The following DYNC2H1 variants were observed in gnomAD, a reference collection of about 807,000 sequenced individuals.
DYNC2H1 encodes the protein dynein cytoplasmic 2 heavy chain 1, also known as cytoplasmic dynein 2 heavy chain 1.
A neutral mutation model predicts 570.0 loss-of-function variants in DYNC2H1; 410 were observed. That is an observed-to-expected ratio of 0.72 (90% CI 0.66 to 0.78). The LOEUF is 0.78. Among genes scored for constraint, DYNC2H1 ranks in the 30% least tolerant of loss-of-function variants. The pLI is 0.00. For missense variants in DYNC2H1, 4,865 were observed against 5,046.4 expected (o/e 0.96, Z 1.09); for synonymous variants, 1,688 against 1,677.6 (o/e 1.01, Z -0.15).
chr11:103,429,657 C>T (rs183233931), intron 84 of DYNC2H1, among the ~76,000 whole-genome samples: 2 of 152,252 alleles, frequency 1.3e-5, no homozygotes, highest in East Asian at 3.9e-4. Context: ...TGTCTTTATC[C>T]TTCTGAAATA....
rs1414331627 is a variant in DYNC2H1, at chr11:103,163,120, A to G, written c.4584A>G (p.Ala1528=). The G allele has an allele frequency of 6.2e-7, 1 of 1,612,812 alleles. No individual in the cohort carries two copies. The highest frequency in any genetic ancestry group is 2.2e-5 in the East Asian group (1 of 44,882). ...CVTTGRSSQG[A]VDPSLFPSQI... ...CTACTGGGCGAAGTTCTCAAGGTGCAGTTGACCCATCTCTGTTCCCTTCAC... is the reference window on the plus strand; with the variant it reads ...CTACTGGGCGAAGTTCTCAAGGTGCGGTTGACCCATCTCTGTTCCCTTCAC... Residue 1528 remains alanine (A), a synonymous_variant, in exon 30 of 89, where the codon GCA becomes GCG. Coordinates refer to ENST00000375735, the MANE Select transcript of DYNC2H1 (RefSeq NM_001377.3). This position sits in a 1 kb window ranked among gnomAD's most constrained non-coding sequence, Gnocchi z 4.6.
intron 87 of DYNC2H1, among the ~76,000 whole-genome samples, chr11:103,457,611 T>C (rs183624537): frequency 7.9e-4 from 120 of 152,252 alleles, no homozygotes; most frequent in Non-Finnish European, 1.4e-3. Context: ...TTGACTCTTA[T>C]AAATAACACT....
At chr11:103,165,358 G>T (rs1424689684) in intron 30 of DYNC2H1, among the ~76,000 whole-genome samples, 1 of 152,072 alleles carries the variant, frequency 6.6e-6, no homozygotes, top group African/African-American at 2.4e-5. Flanking sequence ...TGAACTCCTG[G>T]CCTCAAGTGA....
intron 84 of DYNC2H1, among the ~76,000 whole-genome samples, chr11:103,420,318 G>A (rs894893675): frequency 1.3e-5 from 2 of 152,032 alleles, no homozygotes; most frequent in East Asian, 3.9e-4. Flanking sequence ...TTAACAAGAA[G>A]ATCAACCCCA....
Position 103,319,392 on chromosome 11 carries a change from G to GC in DYNC2H1, c.11726-1635dup, listed in dbSNP as rs1938044503. Among the ~76,000 whole-genome samples, 1 of 152,074 alleles carries GC rather than the reference G, an allele frequency of 6.6e-6. No homozygotes were observed. The highest frequency in any genetic ancestry group is 2.1e-4 in the South Asian group (1 of 4,828). On this transcript the variant is annotated intron_variant, in intron 80 of 88. Coordinates refer to ENST00000375735, the MANE Select transcript of DYNC2H1 (RefSeq NM_001377.3). The surrounding 1 kb of genome is among the most constrained non-coding windows in gnomAD (Gnocchi z 4.3). ...GGAACAATTGGTATTGAGAGTAATA[G>GC]CCATGCGACCTAGAGCAAGTTTCCT... is the stretch of plus-strand genomic sequence containing the variant.
intron 11 of DYNC2H1, among the ~76,000 whole-genome samples, chr11:103,124,839 G>A (rs1858908350): frequency 1.3e-5 from 2 of 152,102 alleles, no homozygotes; most frequent in African/African-American, 4.8e-5. Flanking sequence ...TGAAAGTTAA[G>A]AGATTGATTT....
In DYNC2H1 at chr11:103,163,561, T is replaced by A. The variant is rs1861183870; in HGVS notation, c.4611+414T>A. 6.6e-6 allele frequency among the ~76,000 whole-genome samples: 1 copy of A among 152,110 alleles called. No homozygotes were observed. Among genetic ancestry groups the A allele is most frequent in the South Asian group, 2.1e-4 (1 of 4,820 alleles). On this transcript the variant is annotated intron_variant, in intron 30 of 88. Coordinates refer to ENST00000375735, the MANE Select transcript of DYNC2H1 (RefSeq NM_001377.3). This position sits in a 1 kb window ranked among gnomAD's most constrained non-coding sequence, Gnocchi z 4.6. The stretch of plus-strand genomic sequence containing the variant: ...ATAGTCATAACACTAAACTGTAATA[T>A]TGACAGTGAGAGTGAGGTCATATGG...
intron 61 of DYNC2H1, 110 bp from the exon 62 acceptor site, chr11:103,235,562 G>A (rs756738480): frequency 2.3e-5 from 24 of 1,028,354 alleles, no homozygotes; most frequent in Admixed American, 9.7e-5. Context: ...TTCAAAACAA[G>A]TTATTACCTG....
In DYNC2H1 at chr11:103,257,781, C is replaced by T. The variant is rs650238; in HGVS notation, c.10605+30C>T. The T allele has an allele frequency of 0.2, 303,701 of 1,492,964 alleles. 32,976 individuals carry two copies. Among genetic ancestry groups the T allele is most frequent in the African/African-American group, 0.38 (27,288 of 71,796 alleles). The allele number at this position is 1,492,964 out of a possible 1,614,324, so 92.5% of individuals were successfully genotyped here. A position where few individuals can be genotyped will look rare whatever the true frequency, so the allele number is the denominator to read the frequency against. The stretch of plus-strand genomic sequence containing the variant: ...GCTGTTGGATACCCTGTACCAGAGA[C>T]TGAATTACAGGGATTACTTTACTAG... On this transcript the variant is annotated intron_variant, in intron 69 of 88. Coordinates refer to ENST00000375735, the MANE Select transcript of DYNC2H1 (RefSeq NM_001377.3).
At chr11:103,196,128 G>A (rs149237696) in intron 47 of DYNC2H1, among the ~76,000 whole-genome samples, 5 of 152,104 alleles carry the variant, frequency 3.3e-5, no homozygotes, top group African/African-American at 1.2e-4. Flanking sequence ...AAGCTATATG[G>A]GATATTGCAG....
In DYNC2H1 at chr11:103,189,629, A is replaced by G; in HGVS notation, c.7293-43A>G. The G allele has an allele frequency of 1.9e-6, 3 of 1,584,968 alleles. No individual in the cohort carries two copies. Among genetic ancestry groups the G allele is most frequent in the Non-Finnish European group, 2.6e-6 (3 of 1,158,896 alleles). On this transcript the variant is annotated intron_variant, in intron 44 of 88. Transcript: ENST00000375735. This position sits in a 1 kb window ranked among gnomAD's most constrained non-coding sequence, Gnocchi z 4.3. ...TAACATTGAAATATTAATTTGGAAT[A>G]CTGATTTATTTCAGCTTTCTTCTTA...
At chr11:103,152,414 A>C in intron 21 of DYNC2H1, 129 bp downstream of exon 21, 1 of 808,230 alleles carries the variant, frequency 1.2e-6, no homozygotes, top group Non-Finnish European at 1.8e-6. Flanking sequence ...GACCTCCCTG[A>C]CTACTTTTAT....
intron 57 of DYNC2H1, among the ~76,000 whole-genome samples, chr11:103,221,076 G>A (rs1440763446): frequency 6.6e-6 from 1 of 151,906 alleles, no homozygotes; most frequent in Non-Finnish European, 1.5e-5. Context: ...ATAGTATAGA[G>A]GACTGTGATT....
chr11:103,375,913 A>T (rs1941371289), intron 83 of DYNC2H1, among the ~76,000 whole-genome samples: 1 of 152,074 alleles, frequency 6.6e-6, no homozygotes, highest in Non-Finnish European at 1.5e-5. Context: ...GAGATTTTGG[A>T]GGGGCCGGGG....
rs1400917017 is a variant in DYNC2H1 at position 103,369,235 on chromosome 11, T to C, written c.12156+10876T>C. Among the ~76,000 whole-genome samples the C allele has an allele frequency of 6.6e-6, 1 of 152,130 alleles. No individual in the cohort carries two copies. The highest frequency in any genetic ancestry group is 2.4e-5 in the African/African-American group (1 of 41,422). On this transcript the variant is annotated intron_variant, in intron 83 of 88. Coordinates refer to ENST00000375735, the MANE Select transcript of DYNC2H1 (RefSeq NM_001377.3). The surrounding 1 kb of genome is among the most constrained non-coding windows in gnomAD (Gnocchi z 4.0). ...CTATTATAACAGAAAACAAAATGGC[T>C]GACACCCACCCTCAGAAGGATAATT...
Position 103,166,029 on chromosome 11 carries a change from T to C in DYNC2H1, c.4743T>C (p.Ser1581=). 6.5e-7 allele frequency: 1 copy of C among 1,531,006 alleles called. No homozygotes were observed. Among genetic ancestry groups the C allele is most frequent in the South Asian group, 1.3e-5 (1 of 78,402 alleles). 94.8% of individuals were successfully genotyped at this position (1,531,006 alleles called of 1,614,324 possible). The part of the protein sequence containing the change: ...LEQYTNIDTS[S]EDPGNTESGI... ...AATATACTAACATTGATACAAGTTC[T>C]GAGGATCCAGGGAATACTGGTATGG... The change falls in exon 31 of 89, where the codon TCT becomes TCC. Residue 1581 remains serine, a synonymous_variant. Transcript: ENST00000375735.
intron 70 of DYNC2H1, among the ~76,000 whole-genome samples, chr11:103,271,583 T>A (rs56800660): frequency 0.023 from 3,471 of 152,216 alleles, 114 homozygotes; most frequent in African/African-American, 0.078. Context: ...GATCATGGGG[T>A]TTATGGAATG....
rs1440454098 is a variant in DYNC2H1, at chr11:103,282,082, A to G, written c.10762-97A>G. The G allele has an allele frequency of 2.9e-6, 3 of 1,042,828 alleles. No homozygotes were observed. The African/African-American group carries it at 4.9e-5, about 17-fold the overall frequency. 64.6% of individuals were successfully genotyped at this position (1,042,828 alleles called of 1,614,324 possible). On this transcript the variant is annotated intron_variant, in intron 71 of 88. Coordinates refer to ENST00000375735, the MANE Select transcript of DYNC2H1 (RefSeq NM_001377.3). The stretch of plus-strand genomic sequence containing the variant: ...AGATGGAAATGAGTATCTGCTTAGA[A>G]AAATGCATTTTAAGCCATCTTATAA...
chr11:103,450,940 C>T (rs1338431826), intron 85 of DYNC2H1, among the ~76,000 whole-genome samples: 2 of 152,246 alleles, frequency 1.3e-5, no homozygotes, highest in East Asian at 3.9e-4. Context: ...ACTGTGTATA[C>T]ATTTTTGCAT....
Sources: gnomAD v4.1 joint callset for allele counts (sites outside exome capture counted in the v4.1 genomes callset) on GRCh38, gnomAD v4.1.1 for gene constraint, Gnocchi (gnomAD v3.1) non-coding constraint, MANE v1.5 for transcripts, NCBI Gene and HGNC (gene_info 2026-07-23, HGNC 2026-07-21) for gene names.